Variants in COL5A2 observed in about 807,000 individuals in gnomAD.
COL5A2 encodes the protein collagen type V alpha 2 chain.
Under a neutral mutation model 208.2 loss-of-function variants are expected in COL5A2, and 23 were observed. The ratio of observed to expected loss-of-function variants is 0.11; its 90% CI spans 0.08 to 0.16. The LOEUF (loss-of-function observed/expected upper bound fraction) is 0.16. COL5A2 is among the 10% of genes least tolerant of loss of function. The pLI, the probability that COL5A2 is intolerant of heterozygous loss-of-function variation, is 1.00. For missense variants in COL5A2, 1,590 were observed against 1,956.4 expected (o/e 0.81, Z 3.53); for synonymous variants, 625 against 628.5 (o/e 0.99, Z 0.08).
At chr2:189,123,271 T>A (rs1687545185) in intron 1 of COL5A2, among the ~76,000 whole-genome samples, 1 of 152,162 alleles carries the variant, frequency 6.6e-6, no homozygotes, top group Admixed American at 6.6e-5. Flanking sequence ...GCCTAAAAAT[T>A]TTTAAAGATA....
chr2:189,126,999 C>T (rs1050300626), intron 1 of COL5A2, among the ~76,000 whole-genome samples: 1 of 151,934 alleles, frequency 6.6e-6, no homozygotes, highest in African/African-American at 2.4e-5. Context: ...AACTAAAGTG[C>T]AAAACGATAA....
chr2:189,041,283 T>C (rs1404969234), intron 50 of COL5A2, among the ~76,000 whole-genome samples: 2 of 152,228 alleles, frequency 1.3e-5, no homozygotes, highest in Non-Finnish European at 2.9e-5. Context: ...ATTTAAAATA[T>C]TGCCCTTGAG....
At chr2:189,316,366 C>T in the COL5A2 span, among the ~76,000 whole-genome samples, 1 of 152,050 alleles carries the variant, frequency 6.6e-6, no homozygotes, top group Non-Finnish European at 1.5e-5. Context: ...GAATAGAAAA[C>T]CAAACACCAC....
At chr2:189,337,026 T>A in the COL5A2 span, among the ~76,000 whole-genome samples, 3 of 152,334 alleles carry the variant, frequency 2.0e-5, no homozygotes, top group African/African-American at 7.2e-5. Flanking sequence ...TTTACATTAA[T>A]ACCATGTTTG....
intron 4 of COL5A2, 54 bp downstream of exon 4, chr2:189,100,051 ACT>A (rs1160082656): frequency 2.9e-6 from 4 of 1,393,256 alleles, no homozygotes; most frequent in East Asian, 4.6e-5. Context: ...ATACAATTAT[ACT>A]ATAAGCTAAG....
the COL5A2 span, among the ~76,000 whole-genome samples, chr2:189,322,716 A>G: frequency 1.3e-5 from 2 of 152,222 alleles, no homozygotes; most frequent in African/African-American, 4.8e-5. Flanking sequence ...GTCCAGGACC[A>G]GACGGATACA....
chr2:189,083,673 TG>T (rs1686587166), intron 12 of COL5A2, among the ~76,000 whole-genome samples: 1 of 146,804 alleles, frequency 6.8e-6, no homozygotes, highest in African/African-American at 2.5e-5. Context: ...ACTCATTTTA[TG>T]AAAAAAAAAA....
the COL5A2 span, among the ~76,000 whole-genome samples, chr2:189,352,254 A>G: frequency 5.3e-5 from 8 of 152,206 alleles, no homozygotes; most frequent in Admixed American, 3.3e-4. Context: ...CAGTGCTGCA[A>G]TGAACATACC....
the COL5A2 span, among the ~76,000 whole-genome samples, chr2:189,282,958 C>T: frequency 6.6e-6 from 1 of 152,086 alleles, no homozygotes; most frequent in Non-Finnish European, 1.5e-5. Context: ...TTAAAATCAA[C>T]TTCAAGAATA....
At chr2:189,040,626 A>C (rs1390837686) in intron 50 of COL5A2, among the ~76,000 whole-genome samples, 2 of 152,038 alleles carry the variant, frequency 1.3e-5, no homozygotes, top group Non-Finnish European at 2.9e-5. Context: ...TTCAGTGCCA[A>C]TGTTTCCTCA....
At chr2:189,069,848 A>G (rs1318855007) in intron 18 of COL5A2, among the ~76,000 whole-genome samples, 1 of 152,220 alleles carries the variant, frequency 6.6e-6, no homozygotes, top group East Asian at 1.9e-4. Flanking sequence ...ATTTATCAGT[A>G]AAGTGAAAAA....
the COL5A2 span, among the ~76,000 whole-genome samples, chr2:189,271,477 C>T: frequency 1.3e-5 from 2 of 152,046 alleles, no homozygotes; most frequent in African/African-American, 4.8e-5. Flanking sequence ...GAAACTGGAC[C>T]CCTTCCTTAC....
In COL5A2 at chr2:189,158,201, G is replaced by A. The variant is rs1576562959; in HGVS notation, c.97+21307C>T. The stretch of plus-strand genomic sequence containing the variant: ...TAATGACTTTTATGAGTAATTTATG[G>A]AAATTTGGGGTTATTTAGGTTAAAA... On this transcript the variant is annotated intron_variant, in intron 1 of 53. Coordinates refer to ENST00000374866, the MANE Select transcript of COL5A2 (RefSeq NM_000393.5). Among the ~76,000 whole-genome samples the A allele has an allele frequency of 3.3e-5, 5 of 152,076 alleles. No homozygotes were observed. The South Asian group carries it at 8.3e-4, about 25-fold the overall frequency.
At chr2:189,247,070 C>T in the COL5A2 span, among the ~76,000 whole-genome samples, 13 of 152,082 alleles carry the variant, frequency 8.5e-5, no homozygotes, top group Middle Eastern at 3.4e-3. Context: ...ATGGAGGAAA[C>T]GTTTCTGTCA....
the COL5A2 span, among the ~76,000 whole-genome samples, chr2:189,301,498 T>G: frequency 1.3e-5 from 2 of 152,308 alleles, no homozygotes; most frequent in Non-Finnish European, 2.9e-5. Context: ...TTTTTGCTGT[T>G]TTTTCCTCAC....
At chr2:189,354,206 A>G in the COL5A2 span, among the ~76,000 whole-genome samples, 3 of 152,144 alleles carry the variant, frequency 2.0e-5, no homozygotes, top group Non-Finnish European at 4.4e-5. Context: ...GGATTTTCGC[A>G]TCGATGTTCA....
intron 6 of COL5A2, among the ~76,000 whole-genome samples, chr2:189,093,204 GCTCCGTCCTCTAAC>G (rs1686824970): frequency 6.6e-6 from 1 of 152,108 alleles, no homozygotes; most frequent in South Asian, 2.1e-4. Context: ...TTCTGGAAAT[GCTCCGTCCTCTAAC>G]CTCATCATTC....
chr2:189,296,053 C>A, the COL5A2 span, among the ~76,000 whole-genome samples: 1 of 151,988 alleles, frequency 6.6e-6, no homozygotes, highest in African/African-American at 2.4e-5. Flanking sequence ...ACATTTTCAG[C>A]CTCATTCTCT....
At chr2:189,328,606 T>C in the COL5A2 span, among the ~76,000 whole-genome samples, 1 of 152,212 alleles carries the variant, frequency 6.6e-6, no homozygotes, top group African/African-American at 2.4e-5. Context: ...GTCAAGCCTT[T>C]AATAGAGGCC....
Sources: allele counts gnomAD v4.1 joint callset (sites outside exome capture counted in the v4.1 genomes callset), GRCh38; gene constraint gnomAD v4.1.1; transcripts MANE v1.5; gene names NCBI Gene and HGNC (gene_info 2026-07-23, HGNC 2026-07-21).